SUSD6: variants seen among roughly 807,000 people sequenced by gnomAD.
The protein encoded by SUSD6 is sushi domain containing 6, also known as sushi domain-containing protein 6.
In SUSD6, 16 loss-of-function variants were observed where a neutral mutation model predicts 28.4. The observed-to-expected ratio is 0.56, with a 90% confidence interval of 0.38 to 0.86. The LOEUF (loss-of-function observed/expected upper bound fraction) is 0.86, where lower values mean the gene tolerates loss of function less well. Ranked by LOEUF, SUSD6 falls within the 40% of genes least tolerant of loss-of-function variation. The probability of loss-of-function intolerance (pLI) is 0.00; values close to 1 mark genes in which losing one functional copy is unlikely to be tolerated. For synonymous variants in SUSD6, 147 were observed against 159.6 expected, an observed-to-expected ratio of 0.92 and a Z score of 0.59; for missense variants, 341 against 384.2, an observed-to-expected ratio of 0.89 and a Z score of 0.94.
intron 2 of SUSD6, among the ~76,000 whole-genome samples, chr14:69,696,719 A>G (rs1281471542): frequency 6.6e-6 from 1 of 152,198 alleles, no homozygotes; most frequent in Non-Finnish European, 1.5e-5. Flanking sequence ...GCTGTCCACT[A>G]CAATAGCCAC....
At chr14:69,652,452 C>T (rs1429479179) in intron 1 of SUSD6, among the ~76,000 whole-genome samples, 5 of 151,716 alleles carry the variant, frequency 3.3e-5, no homozygotes, top group Admixed American at 6.6e-5. Context: ...GACTCTGTCT[C>T]GGAAAAAATA....
At chr14:69,651,362 G>A (rs559626294) in intron 1 of SUSD6, among the ~76,000 whole-genome samples, 4 of 152,290 alleles carry the variant, frequency 2.6e-5, no homozygotes, top group African/African-American at 4.8e-5. Context: ...AGACAAGGGC[G>A]CAGGGAATAT....
intron 1 of SUSD6, among the ~76,000 whole-genome samples, chr14:69,639,046 C>G (rs964488356): frequency 6.6e-6 from 1 of 152,150 alleles, no homozygotes; most frequent in African/African-American, 2.4e-5. Context: ...TAAGGCCAGG[C>G]CGGGTGCAGT....
intron 4 of SUSD6, among the ~76,000 whole-genome samples, chr14:69,706,541 C>T (rs6573902): frequency 6.6e-6 from 1 of 151,944 alleles, no homozygotes; most frequent in African/African-American, 2.4e-5. Context: ...CCTACTGCAG[C>T]CATGACTTCC....
At chr14:69,663,075 G>A (rs1414477371) in intron 2 of SUSD6, among the ~76,000 whole-genome samples, 1 of 152,156 alleles carries the variant, frequency 6.6e-6, no homozygotes, top group Non-Finnish European at 1.5e-5. Context: ...GATTTTTGGA[G>A]CAGTTATCAA....
rs925910425 is a variant in SUSD6, at chr14:69,713,020, G to A, written c.*2041G>A. On this transcript the variant is annotated 3_prime_UTR_variant, in exon 6 of 6. Coordinates refer to ENST00000342745, the MANE Select transcript of SUSD6 (RefSeq NM_014734.4). ...TCCAAAACAGAAAGCAGTGACAAAA[G>A]GGGGAGGGGTGGTAATCTGAAGTCT... The A allele has an allele frequency of 3.3e-5, 5 of 152,280 alleles. No homozygotes were observed. Among genetic ancestry groups the A allele is most frequent in the African/African-American group, 1.2e-4 (5 of 41,448 alleles). 9.4% of individuals were successfully genotyped at this position (152,280 alleles called of 1,614,324 possible). A position where few individuals can be genotyped will look rare whatever the true frequency, so the allele number is the denominator to read the frequency against.
intron 2 of SUSD6, among the ~76,000 whole-genome samples, chr14:69,669,133 G>A (rs1444453490): frequency 1.4e-5 from 2 of 146,548 alleles, no homozygotes; most frequent in African/African-American, 5.1e-5. Context: ...GCGCGATCTC[G>A]GCTCACTGCA....
chr14:69,663,688 C>T (rs886750056), intron 2 of SUSD6, among the ~76,000 whole-genome samples: 14 of 152,218 alleles, frequency 9.2e-5, no homozygotes, highest in African/African-American at 3.1e-4. Flanking sequence ...GAACCAGAGA[C>T]AGGTTCAATA....
chr14:69,645,993 G>A (rs1317183894), intron 1 of SUSD6, among the ~76,000 whole-genome samples: 1 of 152,072 alleles, frequency 6.6e-6, no homozygotes, highest in Admixed American at 6.5e-5. Flanking sequence ...CAGGTGATCC[G>A]CCCGCCTTGG....
rs192936261 is a variant in SUSD6, at chr14:69,634,801, G to A, written c.-81+22973G>A. ...TTTCTGGTAAATGGATTTTGGGGTG[G>A]CATCCCCACTACTGTTGGGATGAAG... On this transcript the variant is annotated intron_variant, in intron 1 of 5. Transcript: ENST00000342745. Among the ~76,000 whole-genome samples, 3 of 152,282 alleles carry A rather than the reference G, an allele frequency of 2.0e-5. No individual in the cohort carries two copies. In the East Asian group the frequency reaches 5.8e-4, roughly 29 times the overall value.
Position 69,713,873 on chromosome 14 carries a change from T to C in SUSD6, c.*2894T>C, listed in dbSNP as rs973800270. On this transcript the variant is annotated 3_prime_UTR_variant, in exon 6 of 6. Coordinates refer to ENST00000342745, the MANE Select transcript of SUSD6 (RefSeq NM_014734.4). ...TTTTTTTTGGCACACTTGAGCTGACTCAGTGCAGGTTTAATATCCTGGTGA... is the reference window on the plus strand; with the variant it reads ...TTTTTTTTGGCACACTTGAGCTGACCCAGTGCAGGTTTAATATCCTGGTGA... The C allele has an allele frequency of 6.9e-6, 1 of 144,700 alleles. No individual in the cohort carries two copies. Among genetic ancestry groups the C allele is most frequent in the African/African-American group, 2.6e-5 (1 of 38,872 alleles). 9.0% of individuals were successfully genotyped at this position (144,700 alleles called of 1,614,324 possible).
Position 69,708,829 on chromosome 14 carries a change from C to T in SUSD6, c.611C>T (p.Ser204Phe), listed in dbSNP as rs781399033. ...GTACAGATTGTGCTGTCAGAAGGGT[C>T]TGGGCCCAGTGGGAGGAGCGTGCCA... ...PRVQIVLSEG[S>F]GPSGRSVPRE... The change falls in exon 5 of 6, where the codon TCT becomes TTT. Residue 204 changes from serine to phenylalanine, a missense_variant. Transcript: ENST00000342745. The T allele has an allele frequency of 1.9e-6, 3 of 1,614,054 alleles. No individual in the cohort carries two copies. The highest frequency in any genetic ancestry group is 3.3e-5 in the Admixed American group (2 of 60,006).
chr14:69,653,292 A>G (rs913307329), intron 1 of SUSD6, among the ~76,000 whole-genome samples: 6 of 152,326 alleles, frequency 3.9e-5, no homozygotes, highest in African/African-American at 1.4e-4. Context: ...GGGCAGCAGC[A>G]CTAGTTCCCA....
intron 1 of SUSD6, among the ~76,000 whole-genome samples, chr14:69,628,122 G>A (rs531604547): frequency 1.2e-4 from 19 of 152,002 alleles, no homozygotes; most frequent in East Asian, 5.8e-4. Flanking sequence ...TAGTAGAGAC[G>A]GGGTTTCACC....
In SUSD6 at chr14:69,634,721, C is replaced by T. The variant is rs187853909; in HGVS notation, c.-81+22893C>T. Among the ~76,000 whole-genome samples, 302 of 152,356 alleles carry T rather than the reference C, an allele frequency of 2.0e-3. 1 individual carries two copies. Among genetic ancestry groups the T allele is most frequent in the Middle Eastern group, 3.4e-3 (1 of 294 alleles). ...ATTGTAGCTTGTATGAAAATAGAAGCAGCTTGAATTTTTTTCTCACAAACT... is the reference window on the plus strand; with the variant it reads ...ATTGTAGCTTGTATGAAAATAGAAGTAGCTTGAATTTTTTTCTCACAAACT... On this transcript the variant is annotated intron_variant, in intron 1 of 5. Coordinates refer to ENST00000342745, the MANE Select transcript of SUSD6 (RefSeq NM_014734.4).
intron 1 of SUSD6, among the ~76,000 whole-genome samples, chr14:69,641,118 GC>G (rs1885345234): frequency 6.6e-6 from 1 of 152,192 alleles, no homozygotes; most frequent in South Asian, 2.1e-4. Flanking sequence ...CACTGAATCT[GC>G]TGTAATTCTT....
Position 69,704,632 on chromosome 14 carries a change from C to T in SUSD6, c.348C>T (p.Val116=), listed in dbSNP as rs1272261005. ...AAGACACCCACACATCACTTGGGGT[C>T]CCCACGCTGTCTATAGTGGCTTCTA... ...EDKDTHTSLG[V]PTLSIVASTA... The change falls in exon 4 of 6, where the codon GTC becomes GTT. Residue 116 remains valine, a synonymous_variant. Coordinates refer to ENST00000342745, the MANE Select transcript of SUSD6 (RefSeq NM_014734.4). 2.5e-6 allele frequency: 4 copies of T among 1,613,898 alleles called. No individual in the cohort carries two copies. Among genetic ancestry groups the T allele is most frequent in the Non-Finnish European group, 3.4e-6 (4 of 1,179,942 alleles).
chr14:69,697,664 G>A (rs996571851), intron 2 of SUSD6, among the ~76,000 whole-genome samples: 44 of 152,152 alleles, frequency 2.9e-4, no homozygotes, highest in African/African-American at 1.1e-3. Context: ...CTGTTGGACA[G>A]CTTTGTGCTA....
At chr14:69,656,756 G>T (rs1234823648) in intron 1 of SUSD6, among the ~76,000 whole-genome samples, 1 of 152,200 alleles carries the variant, frequency 6.6e-6, no homozygotes, top group Non-Finnish European at 1.5e-5. Flanking sequence ...GCTAAGAGAG[G>T]TTATATGACT....
Sources: allele counts gnomAD v4.1 joint callset (sites outside exome capture counted in the v4.1 genomes callset), GRCh38; gene constraint gnomAD v4.1.1; transcripts MANE v1.5; gene names NCBI Gene and HGNC (gene_info 2026-07-23, HGNC 2026-07-21).